APOOL: variants seen among roughly 807,000 people sequenced by gnomAD.
The protein encoded by APOOL is apolipoprotein O like.
APOOL carries 12 observed loss-of-function variants against 23.1 expected under a neutral mutation model. That is an observed-to-expected ratio of 0.52 (90% CI 0.33 to 0.84). APOOL has a LOEUF of 0.84. Ranked by LOEUF, APOOL falls within the 40% of genes least tolerant of loss-of-function variation. APOOL has a pLI of 0.02. For missense variants in APOOL, 212 were observed against 199.6 expected, an observed-to-expected ratio of 1.06 and a Z score of -0.37; for synonymous variants, 77 against 69.9, an observed-to-expected ratio of 1.10 and a Z score of -0.51.
At chrX:85,043,066 A>G (rs1166385233) in intron 1 of APOOL, among the ~76,000 whole-genome samples, 1 of 111,198 alleles carries the variant, frequency 9.0e-6, no homozygotes, top group Non-Finnish European at 1.9e-5. Context: ...GGAGGGGGTG[A>G]GTCTTACGGG....
chrX:85,073,089 A>G (rs1021019147), intron 6 of APOOL, among the ~76,000 whole-genome samples: 7 of 111,640 alleles, frequency 6.3e-5, no homozygotes, highest in Non-Finnish European at 1.1e-4. Context: ...AACAAAGGTT[A>G]TATTTGGGGA....
intron 5 of APOOL, among the ~76,000 whole-genome samples, chrX:85,064,583 T>G (rs1384558809): frequency 1.8e-5 from 2 of 111,344 alleles, no homozygotes; most frequent in Non-Finnish European, 3.8e-5. Context: ...TGTTGTCTCT[T>G]TGTTCTCATT....
intron 8 of APOOL, 74 bp from the exon 9 acceptor site, chrX:85,087,516 G>A (rs762296843): frequency 8.3e-5 from 75 of 902,075 alleles, no homozygotes; most frequent in Non-Finnish European, 1.1e-4. Context: ...TGGTTTGTTC[G>A]CTGCTGTCTT....
In APOOL at chrX:85,024,482, C is replaced by T. The variant is rs145586899; in HGVS notation, c.15+20555C>T. On this transcript the variant is annotated intron_variant, in intron 1 of 8. Transcript: ENST00000373173. ...AGTTCTGTTGTTTTTGATAACAATC[C>T]GGAGCATAAATTGCCCTGCAGTTTT... Among the ~76,000 whole-genome samples the T allele has an allele frequency of 1.5e-4, 17 of 112,133 alleles. No individual in the cohort carries two copies. The East Asian group carries it at 4.8e-3, about 31-fold the overall frequency.
At chrX:85,025,577 C>T (rs143993095) in intron 1 of APOOL, among the ~76,000 whole-genome samples, 2,749 of 112,393 alleles carry the variant, frequency 0.024, 74 homozygotes, top group African/African-American at 0.083. Context: ...TGGGTATAGG[C>T]ATTAGGTAAA....
intron 5 of APOOL, among the ~76,000 whole-genome samples, chrX:85,064,923 C>T (rs1022896610): frequency 1.8e-5 from 2 of 111,019 alleles, no homozygotes; most frequent in Non-Finnish European, 3.8e-5. Context: ...GAGTTCAAGT[C>T]TGAGTATCTT....
intron 8 of APOOL, among the ~76,000 whole-genome samples, chrX:85,076,688 C>T (rs1923846072): frequency 9.0e-6 from 1 of 110,532 alleles, no homozygotes. Flanking sequence ...CCTAGTGAGC[C>T]TAGCCATGGC....
At chrX:85,081,644 A>C (rs1052176477) in intron 8 of APOOL, 1 of 111,147 alleles carries the variant, frequency 9.0e-6, no homozygotes, top group Non-Finnish European at 1.9e-5. Context: ...CTGCCTTGCT[A>C]GGTTGGGGAA....
chrX:85,040,633 C>T (rs1484474662), intron 1 of APOOL, among the ~76,000 whole-genome samples: 2 of 111,584 alleles, frequency 1.8e-5, no homozygotes, highest in Non-Finnish European at 3.8e-5. Context: ...ATTGGAAGAA[C>T]TGATCTTCAA....
chrX:85,064,326 A>G (rs756885163), intron 5 of APOOL, among the ~76,000 whole-genome samples: 1 of 106,870 alleles, frequency 9.4e-6, no homozygotes, highest in Non-Finnish European at 1.9e-5. Flanking sequence ...TTTTTTCAAA[A>G]AAACAGCTCC....
Position 85,003,924 on chromosome X carries a change from C to G in APOOL, c.12C>G (p.Ile4Met). 2 of 1,211,775 alleles carry G rather than the reference C, an allele frequency of 1.7e-6. No individual in the cohort carries two copies. The highest frequency in any genetic ancestry group is 2.2e-6 in the Non-Finnish European group (2 of 895,408). Residue 4 changes from isoleucine (I) to methionine (M), a missense_variant, in exon 1 of 9, where the codon ATC (isoleucine) becomes ATG (methionine). By Grantham distance (10) the Ile-to-Met change is conservative (BLOSUM62 1). Transcript: ENST00000373173. MAAIRMGKLTTMPA... is the reference protein window; with the variant it reads MAAMRMGKLTTMPA... ...AAAGGGTTGTAGACATGGCGGCCATCAGGGTAAGCGAAAACCAACTTGCTT... is the reference window on the plus strand; with the variant it reads ...AAAGGGTTGTAGACATGGCGGCCATGAGGGTAAGCGAAAACCAACTTGCTT...
chrX:85,074,384 C>T lies in APOOL; in HGVS notation c.711C>T (p.Ser237=). The T allele has an allele frequency of 2.5e-6, 3 of 1,210,249 alleles. No individual in the cohort carries two copies. Among genetic ancestry groups the T allele is most frequent in the Non-Finnish European group, 3.4e-6 (3 of 894,653 alleles). Residue 237 remains serine, a synonymous_variant, in exon 8 of 9, where the codon TCC becomes TCT. Coordinates refer to ENST00000373173, the MANE Select transcript of APOOL (RefSeq NM_198450.6). ...CTGAAGCAAAGACCAAATCAGAATC[C>T]ACTTCAGGTTTGTTGGGTATAAGTC... ...LSSEAKTKSE[S]TSGATQFMPD...
chrX:85,003,989 A>G, intron 1 of APOOL, 62 bp downstream of exon 1: 1 of 1,184,128 alleles, frequency 8.4e-7, no homozygotes. Context: ...TAACTGTAAA[A>G]GGGATCCTAC....
intron 1 of APOOL, among the ~76,000 whole-genome samples, chrX:85,035,342 G>C (rs574230974): frequency 9.0e-6 from 1 of 110,926 alleles, no homozygotes; most frequent in Non-Finnish European, 1.9e-5. Flanking sequence ...TAAGTTTTGC[G>C]TAGATTCTGG....
rs766497759 is a variant in APOOL at position 85,088,316 on chromosome X, GTTTTTT to G, written c.*662_*667del. 218 of 22,509 alleles carry G rather than the reference GTTTTTT, an allele frequency of 9.7e-3. 7 individuals are homozygous for G. The highest frequency in any genetic ancestry group is 0.023 in the African/African-American group (145 of 6,392). The allele number at this position is 22,509 out of a possible 1,213,427, so 1.9% of individuals were successfully genotyped here. ...TGTATGGAAAGGTGTGTTTCCCTCTGTTTTTTTTTTTTTTTTTTTTTTTTTTTTTCC... is the reference window on the plus strand; with the variant it reads ...TGTATGGAAAGGTGTGTTTCCCTCTGTTTTTTTTTTTTTTTTTTTTTTTCC... On this transcript the variant is annotated 3_prime_UTR_variant, in exon 9 of 9. Transcript: ENST00000373173.
intron 1 of APOOL, among the ~76,000 whole-genome samples, chrX:85,011,635 A>G (rs1921285032): frequency 9.0e-6 from 1 of 111,632 alleles, no homozygotes; most frequent in Non-Finnish European, 1.9e-5. Context: ...TGCTTTGCCT[A>G]AGATCAATTG....
chrX:85,029,967 A>T (rs1345880906), intron 1 of APOOL, among the ~76,000 whole-genome samples: 1 of 111,924 alleles, frequency 8.9e-6, no homozygotes, highest in African/African-American at 3.2e-5. Flanking sequence ...TAAATAACTA[A>T]AAGTATGTCT....
intron 1 of APOOL, among the ~76,000 whole-genome samples, chrX:85,006,110 A>G (rs752172120): frequency 8.9e-6 from 1 of 112,005 alleles, no homozygotes; most frequent in Non-Finnish European, 1.9e-5. Context: ...ATTAAGGTTT[A>G]GAGAAGTCAG....
intron 5 of APOOL, among the ~76,000 whole-genome samples, chrX:85,061,611 A>C (rs1031057948): frequency 1.8e-5 from 2 of 111,352 alleles, no homozygotes; most frequent in Non-Finnish European, 3.8e-5. Context: ...TAGTCTTGGG[A>C]AGATGTATGG....
Sources: allele counts gnomAD v4.1 joint callset (sites outside exome capture counted in the v4.1 genomes callset), GRCh38; gene constraint gnomAD v4.1.1; transcripts MANE v1.5; gene names NCBI Gene and HGNC (gene_info 2026-07-23, HGNC 2026-07-21).